The following SYT6 variants were observed in gnomAD, a reference collection of about 807,000 sequenced individuals.
The protein encoded by SYT6 is synaptotagmin 6.
SYT6 carries 24 observed loss-of-function variants against 38.4 expected under a neutral mutation model. The observed-to-expected ratio is 0.62, with a 90% CI of 0.45 to 0.88. The LOEUF is 0.88. Among genes scored for constraint, SYT6 ranks in the 40% least tolerant of loss-of-function variants. The pLI is 0.00. For synonymous variants in SYT6, 265 were observed against 241.9 expected (o/e 1.10, Z -0.89); for missense variants, 611 against 621.0 (o/e 0.98, Z 0.17).
chr1:114,149,281 CCCATTAA>C (rs1039126809), intron 1 of SYT6, among the ~76,000 whole-genome samples: 2 of 33,136 alleles, frequency 6.0e-5, no homozygotes, highest in Admixed American at 5.7e-4. Context: ...TCAGACGTGG[CCCATTAA>C]TAATTAATAA....
chr1:114,092,662 T>G lies in SYT6; in HGVS notation c.*52-580A>C, dbSNP rs371586421. On this transcript the variant is annotated intron_variant, in intron 7 of 7. Transcript: ENST00000610222. ...ACCCTTCTGGGCTTCTGCAACCCCT[T>G]TCTCCTCCCCAGTTCTCCTAGGTCA... Among the ~76,000 whole-genome samples, 32 of 152,208 alleles carry G rather than the reference T, an allele frequency of 2.1e-4. No homozygotes were observed. The East Asian group carries it at 3.9e-3, about 18-fold the overall frequency.
chr1:114,125,554 A>C (rs116429092), intron 3 of SYT6, among the ~76,000 whole-genome samples: 9 of 152,184 alleles, frequency 5.9e-5, no homozygotes, highest in African/African-American at 2.2e-4. Context: ...GATGAGGATG[A>C]ATGAGGGCCA....
intron 3 of SYT6, among the ~76,000 whole-genome samples, chr1:114,133,363 C>G (rs2101074897): frequency 6.6e-6 from 1 of 152,310 alleles, no homozygotes; most frequent in Admixed American, 6.5e-5. Flanking sequence ...GCGGTGGGGT[C>G]TGAGTCCTCT....
chr1:114,136,422 G>T (rs1179329014), intron 3 of SYT6, among the ~76,000 whole-genome samples: 1 of 152,202 alleles, frequency 6.6e-6, no homozygotes, highest in Non-Finnish European at 1.5e-5. Flanking sequence ...GAGCTTGGAG[G>T]GAATGCCCCC....
At chr1:114,120,898 G>C (rs752515034) in intron 3 of SYT6, among the ~76,000 whole-genome samples, 40 of 152,254 alleles carry the variant, frequency 2.6e-4, no homozygotes, top group Non-Finnish European at 4.7e-4. Flanking sequence ...ACCCAGGGTT[G>C]TGTGGCTTGA....
intron 3 of SYT6, among the ~76,000 whole-genome samples, chr1:114,119,823 G>A (rs1314598882): frequency 1.3e-5 from 2 of 152,226 alleles, no homozygotes; most frequent in African/African-American, 4.8e-5. Flanking sequence ...TGTAATCCCA[G>A]CACTTTGGGA....
At position 114,092,046 on chromosome 1, in the gene SYT6, A is replaced by C; in HGVS notation, c.*88T>G. 1.3e-6 allele frequency: 2 copies of C among 1,536,262 alleles called. No homozygotes were observed. The highest frequency in any genetic ancestry group is 1.7e-6 in the Non-Finnish European group (2 of 1,146,896). On this transcript the variant is annotated 3_prime_UTR_variant, in exon 8 of 8. Coordinates refer to ENST00000610222, the MANE Select transcript of SYT6 (RefSeq NM_001253772.2). ...GGAGGTGGTTTCGGAGATGGGCACG[A>C]GCTCTCACTGTCGAAGCTAGCAGCT...
chr1:114,091,921 G>T lies in SYT6; in HGVS notation c.*213C>A. 1 of 1,364,786 alleles carries T rather than the reference G, an allele frequency of 7.3e-7. No homozygotes were observed. The highest frequency in any genetic ancestry group is 1.0e-6 in the Non-Finnish European group (1 of 997,410). 84.5% of individuals were successfully genotyped at this position (1,364,786 alleles called of 1,614,324 possible). A position where few individuals can be genotyped will look rare whatever the true frequency, so the allele number is the denominator to read the frequency against. ...GTGACGGACGGCTGCCGCTGCTGCC[G>T]CCACTGCGACTGCACAACACTGTTT... On this transcript the variant is annotated 3_prime_UTR_variant, in exon 8 of 8. Coordinates refer to ENST00000610222, the MANE Select transcript of SYT6 (RefSeq NM_001253772.2).
At chr1:114,101,528 A>G (rs938219211) in intron 4 of SYT6, among the ~76,000 whole-genome samples, 1 of 152,206 alleles carries the variant, frequency 6.6e-6, no homozygotes, top group Non-Finnish European at 1.5e-5. Flanking sequence ...TTTTAGTGTC[A>G]TGGTTCTAGC....
chr1:114,146,618 A>G (rs919496867), intron 1 of SYT6, among the ~76,000 whole-genome samples: 2 of 152,234 alleles, frequency 1.3e-5, no homozygotes, highest in African/African-American at 4.8e-5. Context: ...AGGAAAAGCT[A>G]GAAGTAAGCC....
At chr1:114,109,166 C>T (rs1312410785) in intron 3 of SYT6, among the ~76,000 whole-genome samples, 1 of 152,184 alleles carries the variant, frequency 6.6e-6, no homozygotes, top group Non-Finnish European at 1.5e-5. Flanking sequence ...GTGATATCTC[C>T]TCCCATAGCA....
At chr1:114,146,901 T>G (rs1467947029) in intron 1 of SYT6, among the ~76,000 whole-genome samples, 1 of 152,188 alleles carries the variant, frequency 6.6e-6, no homozygotes, top group South Asian at 2.1e-4. Flanking sequence ...ATTGTGAGGT[T>G]TAAATGAGAC....
intron 3 of SYT6, among the ~76,000 whole-genome samples, chr1:114,127,590 G>A (rs1571869941): frequency 6.6e-6 from 1 of 152,210 alleles, no homozygotes; most frequent in African/African-American, 2.4e-5. Context: ...TATAGGACAT[G>A]AGGTCTGAGG....
At chr1:114,150,151 C>T (rs1284297742) in intron 1 of SYT6, among the ~76,000 whole-genome samples, 1 of 152,184 alleles carries the variant, frequency 6.6e-6, no homozygotes, top group African/African-American at 2.4e-5. Flanking sequence ...TGTTATACCC[C>T]TAACTCTGTG....
chr1:114,149,978 T>C lies in SYT6; in HGVS notation c.163+3632A>G, dbSNP rs76583962. On this transcript the variant is annotated intron_variant, in intron 1 of 7. Coordinates refer to ENST00000610222, the MANE Select transcript of SYT6 (RefSeq NM_001253772.2). ...CAGTTCCTAAGTGTGACTCAGTCCT[T>C]AGAGGCTTCTTTTCCTAAGCAAGAA... Among the ~76,000 whole-genome samples, 1,298 of 152,240 alleles carry C rather than the reference T, an allele frequency of 8.5e-3. 24 individuals carry two copies. Among genetic ancestry groups the C allele is most frequent in the African/African-American group, 0.03 (1,244 of 41,532 alleles).
chr1:114,097,899 C>T (rs893786493), intron 5 of SYT6, 22 bp from the exon 6 acceptor site: 1 of 1,613,158 alleles, frequency 6.2e-7, no homozygotes, highest in South Asian at 1.1e-5. Context: ...ACAAAAGTCC[C>T]AGCACTGGCT....
rs1397982549 is a variant in SYT6, at chr1:114,091,458, G to C, written c.*676C>G. The C allele has an allele frequency of 6.6e-6, 1 of 152,386 alleles. No individual in the cohort carries two copies. Among genetic ancestry groups the C allele is most frequent in the Non-Finnish European group, 1.5e-5 (1 of 68,060 alleles). 9.4% of individuals were successfully genotyped at this position (152,386 alleles called of 1,614,324 possible). On this transcript the variant is annotated 3_prime_UTR_variant, in exon 8 of 8. Transcript: ENST00000610222. Reference sequence around the variant, plus strand: ...GGCTCACAAGCGCCTCAGAGGTCTTGTGATTTCAACACGGGACTGAGGGTC... The same window carrying C: ...GGCTCACAAGCGCCTCAGAGGTCTTCTGATTTCAACACGGGACTGAGGGTC...
At chr1:114,109,481 T>G (rs1676541767) in intron 3 of SYT6, among the ~76,000 whole-genome samples, 1 of 152,196 alleles carries the variant, frequency 6.6e-6, no homozygotes, top group African/African-American at 2.4e-5. Flanking sequence ...ATGGCTTACT[T>G]AACCTTTCAT....
chr1:114,126,543 C>A (rs1388939299), intron 3 of SYT6, among the ~76,000 whole-genome samples: 3 of 152,140 alleles, frequency 2.0e-5, no homozygotes, highest in Admixed American at 2.0e-4. Flanking sequence ...GAGAAAATGT[C>A]ACTGTGTGCT....
Sources: gnomAD v4.1 joint callset for allele counts (sites outside exome capture counted in the v4.1 genomes callset) on GRCh38, gnomAD v4.1.1 for gene constraint, MANE v1.5 for transcripts, NCBI Gene and HGNC (gene_info 2026-07-23, HGNC 2026-07-21) for gene names.